KCNQ3: variants seen among roughly 807,000 people sequenced by gnomAD.
KCNQ3 encodes the protein potassium voltage-gated channel subfamily KQT member 3.
A neutral mutation model predicts 92.5 loss-of-function variants in KCNQ3; 30 were observed. That is an observed-to-expected ratio of 0.32 (90% CI 0.24 to 0.44). The LOEUF is 0.44. Among genes scored for constraint, KCNQ3 ranks in the 20% least tolerant of loss-of-function variants. The pLI, the probability that KCNQ3 is intolerant of heterozygous loss-of-function variation, is 1.00. For missense variants in KCNQ3, 913 were observed against 1,140.3 expected, an observed-to-expected ratio of 0.80 and a Z score of 2.87; for synonymous variants, 450 against 468.8, an observed-to-expected ratio of 0.96 and a Z score of 0.52.
chr8:132,405,287 TG>T (rs1820446643), intron 1 of KCNQ3, among the ~76,000 whole-genome samples: 1 of 152,104 alleles, frequency 6.6e-6, no homozygotes, highest in African/African-American at 2.4e-5. Context: ...AGGGCGGGTA[TG>T]GGGGAAGCAG....
intron 1 of KCNQ3, among the ~76,000 whole-genome samples, chr8:132,256,364 G>A (rs1470646430): frequency 1.3e-5 from 2 of 152,038 alleles, no homozygotes; most frequent in South Asian, 2.1e-4. Flanking sequence ...AGACCTGAGA[G>A]ACACCATCAG....
In KCNQ3 at chr8:132,272,823, C is replaced by T. The variant is rs182010738; in HGVS notation, c.387-86642G>A. Among the ~76,000 whole-genome samples, 716 of 152,254 alleles carry T rather than the reference C, an allele frequency of 4.7e-3. 3 individuals carry two copies. Among genetic ancestry groups the T allele is most frequent in the South Asian group, 0.012 (56 of 4,826 alleles). On this transcript the variant is annotated intron_variant, in intron 1 of 14. Transcript: ENST00000388996. ...AGATGAGATTTGGGTGGGGAAACAG[C>T]CAAACCATATATTCCACCCTGGCCC...
At chr8:132,244,915 T>C (rs1193235640) in intron 1 of KCNQ3, among the ~76,000 whole-genome samples, 1 of 115,908 alleles carries the variant, frequency 8.6e-6, no homozygotes, top group African/African-American at 2.8e-5. Context: ...AGCACCTCAC[T>C]TGACCAAAAA....
At chr8:132,262,771 G>C (rs1166665706) in intron 1 of KCNQ3, among the ~76,000 whole-genome samples, 9 of 151,866 alleles carry the variant, frequency 5.9e-5, no homozygotes, top group Non-Finnish European at 1.3e-4. Flanking sequence ...ACAGACATAA[G>C]AGAAAAAGAA....
At chr8:132,158,718 G>A (rs549994246) in intron 9 of KCNQ3, among the ~76,000 whole-genome samples, 8 of 152,278 alleles carry the variant, frequency 5.3e-5, no homozygotes, top group South Asian at 2.1e-4. Flanking sequence ...ATAAAATGGG[G>A]ATTAAAAATA....
At chr8:132,364,694 CGGATGGATGGAT>C (rs10691178) in intron 1 of KCNQ3, among the ~76,000 whole-genome samples, 2 of 138,040 alleles carry the variant, frequency 1.4e-5, no homozygotes, top group South Asian at 5.4e-4. Context: ...GACGGACGGA[CGGATGGATGGAT>C]GGATGGATGG....
chr8:132,194,369 G>A (rs1339481048), intron 1 of KCNQ3, among the ~76,000 whole-genome samples: 1 of 152,184 alleles, frequency 6.6e-6, no homozygotes, highest in Non-Finnish European at 1.5e-5. Flanking sequence ...AGCCTCAGAT[G>A]TTAAAGCACC....
Position 132,336,963 on chromosome 8 carries a change from A to G in KCNQ3, c.386+143184T>C, listed in dbSNP as rs75198725. ...TCCATTCAGGAGACTTGAGTCCTTG[A>G]GAGGAAAGCCAGGAGGAAGAAGTCC... On this transcript the variant is annotated intron_variant, in intron 1 of 14. Coordinates refer to ENST00000388996, the MANE Select transcript of KCNQ3 (RefSeq NM_004519.4). Among the ~76,000 whole-genome samples the G allele has an allele frequency of 5.5e-3, 831 of 152,326 alleles. 7 individuals are homozygous for G. The highest frequency in any genetic ancestry group is 0.019 in the African/African-American group (787 of 41,574).
intron 1 of KCNQ3, among the ~76,000 whole-genome samples, chr8:132,373,211 T>G (rs565121766): frequency 5.9e-5 from 9 of 152,126 alleles, no homozygotes; most frequent in African/African-American, 2.2e-4. Context: ...ACCTGCGGTC[T>G]GAACACACAG....
intron 9 of KCNQ3, among the ~76,000 whole-genome samples, chr8:132,160,536 T>C (rs1239230109): frequency 2.0e-5 from 3 of 152,156 alleles, no homozygotes; most frequent in Non-Finnish European, 4.4e-5. Context: ...GAAGAGAGGA[T>C]TTAACAGGTG....
intron 1 of KCNQ3, among the ~76,000 whole-genome samples, chr8:132,270,157 T>C (rs963155887): frequency 6.6e-6 from 1 of 152,102 alleles, no homozygotes; most frequent in Non-Finnish European, 1.5e-5. Flanking sequence ...GCAGACTTTA[T>C]TATTCAGCTT....
intron 1 of KCNQ3, among the ~76,000 whole-genome samples, chr8:132,366,433 A>G (rs950832306): frequency 2.6e-5 from 4 of 151,966 alleles, no homozygotes; most frequent in African/African-American, 9.7e-5. Flanking sequence ...CTTGCTTCCA[A>G]TTCCTTTCTC....
At chr8:132,205,782 A>T (rs950145775) in intron 1 of KCNQ3, among the ~76,000 whole-genome samples, 6 of 152,302 alleles carry the variant, frequency 3.9e-5, no homozygotes, top group African/African-American at 1.4e-4. Context: ...TATTCAATAG[A>T]TTGGTTCAAT....
intron 1 of KCNQ3, among the ~76,000 whole-genome samples, chr8:132,465,739 G>T (rs761162893): frequency 6.6e-6 from 1 of 151,636 alleles, no homozygotes; most frequent in Non-Finnish European, 1.5e-5. Flanking sequence ...GCGAAACTCC[G>T]TCTCAAAAAC....
At chr8:132,253,147 T>C (rs1421521468) in intron 1 of KCNQ3, among the ~76,000 whole-genome samples, 1 of 152,190 alleles carries the variant, frequency 6.6e-6, no homozygotes, top group Non-Finnish European at 1.5e-5. Context: ...TTTCTGTGTG[T>C]CAGGAACTGT....
intron 1 of KCNQ3, among the ~76,000 whole-genome samples, chr8:132,376,449 C>T (rs1819612156): frequency 6.6e-6 from 1 of 152,166 alleles, no homozygotes; most frequent in African/African-American, 2.4e-5. Context: ...CCTGGGCACA[C>T]AGAGCAGTGG....
chr8:132,449,978 G>T (rs1821783005), intron 1 of KCNQ3, among the ~76,000 whole-genome samples: 2 of 152,174 alleles, frequency 1.3e-5, no homozygotes, highest in South Asian at 4.1e-4. Context: ...CCTTCCACTG[G>T]GTTCACAGTC....
In KCNQ3 at chr8:132,230,429, CAGGCAGAGAGAGAGAG is replaced by C. The variant is rs1335799802; in HGVS notation, c.387-44264_387-44249del. 7.5e-4 allele frequency among the ~76,000 whole-genome samples: 106 copies of C among 141,494 alleles called. 3 individuals carry two copies. Among genetic ancestry groups the C allele is most frequent in the Admixed American group, 5.7e-3 (80 of 14,092 alleles). The allele number at this position is 141,494 out of a possible 152,430, so 92.8% of individuals were successfully genotyped here. A position where few individuals can be genotyped will look rare whatever the true frequency, so the allele number is the denominator to read the frequency against. ...AAAGAGACAGCTGCTGCTGCCACCACAGGCAGAGAGAGAGAGAGACAGAGAGAGAGAGAGAGAGAGA... is the reference window on the plus strand; with the variant it reads ...AAAGAGACAGCTGCTGCTGCCACCACAGACAGAGAGAGAGAGAGAGAGAGA... On this transcript the variant is annotated intron_variant, in intron 1 of 14. Transcript: ENST00000388996.
chr8:132,340,553 T>C (rs554401696), intron 1 of KCNQ3, among the ~76,000 whole-genome samples: 1 of 151,366 alleles, frequency 6.6e-6, no homozygotes, highest in Non-Finnish European at 1.5e-5. Context: ...TAAGTGGGAG[T>C]TGAACAATGA....
Sources: allele counts gnomAD v4.1 joint callset (sites outside exome capture counted in the v4.1 genomes callset), GRCh38; gene constraint gnomAD v4.1.1; transcripts MANE v1.5; gene names NCBI Gene and HGNC (gene_info 2026-07-23, HGNC 2026-07-21).